DNAH1: variants seen among roughly 807,000 people sequenced by gnomAD.
DNAH1 encodes axonemal beta dynein heavy chain 1.
A neutral mutation model predicts 484.3 loss-of-function variants in DNAH1; 327 were observed. The observed-to-expected ratio is 0.68, with a 90% CI of 0.62 to 0.74. The LOEUF (loss-of-function observed/expected upper bound fraction) is 0.74, where lower values mean the gene tolerates loss of function less well. Among genes scored for constraint, DNAH1 ranks in the 30% least tolerant of loss-of-function variants. The pLI, the probability that DNAH1 is intolerant of heterozygous loss-of-function variation, is 0.00. For synonymous variants in DNAH1, 2,192 were observed against 2,191.9 expected (o/e 1.00, Z 0.00); for missense variants, 5,052 against 5,546.8 (o/e 0.91, Z 2.83).
Position 52,332,183 on chromosome 3 carries a change from A to G in DNAH1, c.1075A>G (p.Ile359Val). ...GGTCTGTCAGTACTGGGTGCCACGG[A>G]TCCAGCTTCTCTTCTGCGCTGAGGA... ...LQVCQYWVPRIQLLFCAEDPC... is the reference protein window; with the variant it reads ...LQVCQYWVPRVQLLFCAEDPC... Residue 359 changes from isoleucine (I) to valine (V), a missense_variant, in exon 8 of 78, where the codon ATC (isoleucine) becomes GTC (valine). By Grantham distance (29) the Ile-to-Val change is conservative. Coordinates refer to ENST00000420323, the MANE Select transcript of DNAH1 (RefSeq NM_015512.5). 1 of 1,591,120 alleles carries G rather than the reference A, an allele frequency of 6.3e-7. No individual in the cohort carries two copies. Among genetic ancestry groups the G allele is most frequent in the Non-Finnish European group, 8.6e-7 (1 of 1,168,374 alleles).
chr3:52,384,345 G>T (rs1704002896), intron 52 of DNAH1, among the ~76,000 whole-genome samples: 1 of 149,234 alleles, frequency 6.7e-6, no homozygotes, highest in South Asian at 2.1e-4. Context: ...GTGTAGATTT[G>T]CCTGGTCCAG....
chr3:52,357,563 T>C, intron 22 of DNAH1, 51 bp from the exon 23 acceptor site: 1 of 1,574,710 alleles, frequency 6.4e-7, no homozygotes, highest in Non-Finnish European at 8.6e-7. Flanking sequence ...CCTATCTTGC[T>C]ACCTGGACCA....
chr3:52,374,141 G>C (rs1021590801), intron 44 of DNAH1: 3 of 1,221,810 alleles, frequency 2.5e-6, no homozygotes, highest in Non-Finnish European at 3.6e-6. Context: ...GAAATTCCTA[G>C]GCTTGAGAGC....
At chr3:52,342,039 G>A (rs903404018) in intron 8 of DNAH1, among the ~76,000 whole-genome samples, 1 of 152,226 alleles carries the variant, frequency 6.6e-6, no homozygotes, top group Admixed American at 6.5e-5. Flanking sequence ...GTCTCAGAAG[G>A]GCTTCTTTAT....
At chr3:52,329,998 C>T (rs1319876361) in intron 6 of DNAH1, among the ~76,000 whole-genome samples, 7 of 152,152 alleles carry the variant, frequency 4.6e-5, no homozygotes, top group East Asian at 1.9e-4. Flanking sequence ...TTTGTAGAGA[C>T]GGGATTTTAC....
intron 70 of DNAH1, among the ~76,000 whole-genome samples, chr3:52,396,067 T>C (rs1704610758): frequency 6.6e-6 from 1 of 151,704 alleles, no homozygotes; most frequent in African/African-American, 2.4e-5. Flanking sequence ...GCCTCCCGAG[T>C]AGCTGGTAGT....
Position 52,381,939 on chromosome 3 carries a change from G to A in DNAH1, c.7805+103G>A. On this transcript the variant is annotated intron_variant, in intron 49 of 77. Transcript: ENST00000420323. This position sits in a 1 kb window ranked among gnomAD's most constrained non-coding sequence, Gnocchi z 4.1. ...AGTGGTAGAGGCCTCGGGCAACCCT[G>A]AAGTAGGCCCGTGCAGCCTACAGGC... 8.0e-7 allele frequency: 1 copy of A among 1,257,640 alleles called. No homozygotes were observed. The highest frequency in any genetic ancestry group is 2.5e-5 in the Admixed American group (1 of 40,364). The allele number at this position is 1,257,640 out of a possible 1,614,324, so 77.9% of individuals were successfully genotyped here.
chr3:52,366,870 C>T lies in DNAH1; in HGVS notation c.5748C>T (p.Asp1916=), dbSNP rs1344868543. Residue 1916 remains aspartate (D), a synonymous_variant, in exon 36 of 78, where the codon GAC becomes GAT. Transcript: ENST00000420323. ...TGGGCCAGCTGTACGGGGAGTTTGA[C>T]CTCCTCACCCATGAGTGGTGAGTGA... ...ITMGQLYGEF[D]LLTHEWTDGI... 9 of 1,613,186 alleles carry T rather than the reference C, an allele frequency of 5.6e-6. No homozygotes were observed. Among genetic ancestry groups the T allele is most frequent in the Non-Finnish European group, 5.9e-6 (7 of 1,179,366 alleles).
intron 28 of DNAH1, among the ~76,000 whole-genome samples, 170 bp from the exon 29 acceptor site, chr3:52,360,994 G>T (rs979913734): frequency 5.3e-5 from 8 of 152,080 alleles, no homozygotes; most frequent in African/African-American, 1.4e-4. Context: ...CAGGGAACGC[G>T]CTGGGCAGGT....
chr3:52,361,628 A>C lies in DNAH1; in HGVS notation c.4875-33A>C. On this transcript the variant is annotated intron_variant, in intron 29 of 77. Transcript: ENST00000420323. The surrounding 1 kb of genome is among the most constrained non-coding windows in gnomAD (Gnocchi z 5.6). ...GGTGCCCAGATTGGGCTCTGAACACATGTGCCCCATCCAATGTTCCGGCCT... is the reference window on the plus strand; with the variant it reads ...GGTGCCCAGATTGGGCTCTGAACACCTGTGCCCCATCCAATGTTCCGGCCT... 1.3e-6 allele frequency: 2 copies of C among 1,569,192 alleles called. No homozygotes were observed. Among genetic ancestry groups the C allele is most frequent in the Non-Finnish European group, 1.7e-6 (2 of 1,156,330 alleles).
At chr3:52,390,838 G>T in intron 60 of DNAH1, 97 bp from the exon 61 acceptor site, 1 of 1,517,744 alleles carries the variant, frequency 6.6e-7, no homozygotes, top group Non-Finnish European at 8.9e-7. Context: ...GGAGAGGGAA[G>T]TCCATAGCCG....
At chr3:52,321,128 T>C (rs977868467) in intron 1 of DNAH1, among the ~76,000 whole-genome samples, 3 of 151,424 alleles carry the variant, frequency 2.0e-5, no homozygotes. Context: ...TTTTCTTTTT[T>C]TTTTTGAGAT....
At position 52,361,887 on chromosome 3, in the gene DNAH1, C is replaced by A; in HGVS notation, c.4980+121C>A. On this transcript the variant is annotated intron_variant, in intron 30 of 77. Transcript: ENST00000420323. This position sits in a 1 kb window ranked among gnomAD's most constrained non-coding sequence, Gnocchi z 5.6. ...CCACCCTGGGTCCAGCCTCTCTTGTCCCGGGGGCACACCCTAACCCCAGTC... is the reference window on the plus strand; with the variant it reads ...CCACCCTGGGTCCAGCCTCTCTTGTACCGGGGGCACACCCTAACCCCAGTC... 9.4e-7 allele frequency: 1 copy of A among 1,058,966 alleles called. No individual in the cohort carries two copies. The highest frequency in any genetic ancestry group is 1.4e-6 in the Non-Finnish European group (1 of 731,222). The allele number at this position is 1,058,966 out of a possible 1,614,324, so 65.6% of individuals were successfully genotyped here.
In DNAH1 at chr3:52,398,170, C is replaced by T. The variant is rs781537568; in HGVS notation, c.12089+8C>T. 5 of 1,594,540 alleles carry T rather than the reference C, an allele frequency of 3.1e-6. No individual in the cohort carries two copies. The highest frequency in any genetic ancestry group is 4.3e-6 in the Non-Finnish European group (5 of 1,170,314). On this transcript the variant is annotated splice_region_variant and intron_variant, in intron 75 of 77. Coordinates refer to ENST00000420323, the MANE Select transcript of DNAH1 (RefSeq NM_015512.5). ...AGTACAAGAGGTCATTAGGTAATCA[C>T]CCCGCCATACCCCTGCCCCGAGTCA...
Position 52,388,524 on chromosome 3 carries a change from C to G in DNAH1, c.9278C>G (p.Ala3093Gly), listed in dbSNP as rs1194001690. 6 of 1,612,978 alleles carry G rather than the reference C, an allele frequency of 3.7e-6. No homozygotes were observed. Among genetic ancestry groups the G allele is most frequent in the Non-Finnish European group, 3.4e-6 (4 of 1,179,536 alleles). ...EVEDGIATMQAKYRECITKKE... is the reference protein window; with the variant it reads ...EVEDGIATMQGKYRECITKKE... ...GAGGACGGCATCGCCACAATGCAGGCTAAGTACCGGGAATGCATTACCAAG... is the reference window on the plus strand; with the variant it reads ...GAGGACGGCATCGCCACAATGCAGGGTAAGTACCGGGAATGCATTACCAAG... The change falls in exon 58 of 78, where the codon GCT (alanine) becomes GGT (glycine). Residue 3093 changes from alanine to glycine, a missense_variant. Around this residue, in one of 4 missense-constraint regions of DNAH1, gnomAD observed 2,929 missense variants for 3,409.4 expected, o/e 0.86. Coordinates refer to ENST00000420323, the MANE Select transcript of DNAH1 (RefSeq NM_015512.5).
At position 52,361,426 on chromosome 3, in the gene DNAH1, G is replaced by A. The variant is rs987416449; in HGVS notation, c.4874+74G>A. 1.4e-6 allele frequency: 2 copies of A among 1,460,742 alleles called. No individual in the cohort carries two copies. Among genetic ancestry groups the A allele is most frequent in the Non-Finnish European group, 9.1e-7 (1 of 1,094,846 alleles). 90.5% of individuals were successfully genotyped at this position (1,460,742 alleles called of 1,614,324 possible). On this transcript the variant is annotated intron_variant, in intron 29 of 77. Coordinates refer to ENST00000420323, the MANE Select transcript of DNAH1 (RefSeq NM_015512.5). This position sits in a 1 kb window ranked among gnomAD's most constrained non-coding sequence, Gnocchi z 5.6. ...TCTCCTTGGGGAGGGCTAGGTGAGG[G>A]CAGTGCCTGAGAGGGGCCTCGAAGG...
upstream of DNAH1, among the ~76,000 whole-genome samples, chr3:52,312,343 T>C (rs1700801950): frequency 6.6e-6 from 1 of 152,138 alleles, no homozygotes; most frequent in Non-Finnish European, 1.5e-5. Flanking sequence ...GGGCCGCATC[T>C]GTTGGACCAC....
Position 52,366,522 on chromosome 3 carries a change from G to A in DNAH1, c.5584G>A (p.Gly1862Arg), listed in dbSNP as rs374197097. 9.4e-6 allele frequency: 15 copies of A among 1,599,916 alleles called. No homozygotes were observed. The highest frequency in any genetic ancestry group is 4.6e-5 in the East Asian group (2 of 43,926). The stretch of plus-strand genomic sequence containing the variant: ...GGTACGACACGGCCTCATGCTCGTC[G>A]GGCCCACAGGCTCCGGCAAGAGTAC... Reference protein sequence around the residue: ...TVVRHGLMLVGPTGSGKSTCY... With the variant: ...TVVRHGLMLVRPTGSGKSTCY... The change falls in exon 35 of 78, where the codon GGG becomes AGG. Residue 1862 changes from glycine (G) to arginine (R), a missense_variant. By Grantham distance (125) the Gly-to-Arg change is moderately radical. Coordinates refer to ENST00000420323, the MANE Select transcript of DNAH1 (RefSeq NM_015512.5).
intron 44 of DNAH1, chr3:52,373,569 A>G (rs1028838612): frequency 2.4e-4 from 361 of 1,483,552 alleles, no homozygotes; most frequent in Non-Finnish European, 6.1e-5. Context: ...CTCTCAGCCC[A>G]TAGTGAAGAA....
Sources: allele counts gnomAD v4.1 joint callset (sites outside exome capture counted in the v4.1 genomes callset), GRCh38; gene constraint gnomAD v4.1.1; regional missense constraint gnomAD v4.1.1; non-coding constraint Gnocchi (gnomAD v3.1); transcripts MANE v1.5; gene names NCBI Gene and HGNC (gene_info 2026-07-23, HGNC 2026-07-21).